TBX20: variants seen among roughly 807,000 people sequenced by gnomAD.
The protein encoded by TBX20 is T-box transcription factor TBX20.
A neutral mutation model predicts 42.9 loss-of-function variants in TBX20; 8 were observed. The ratio of observed to expected loss-of-function variants is 0.19; its 90% confidence interval spans 0.11 to 0.34. The LOEUF (loss-of-function observed/expected upper bound fraction) is 0.34, where lower values mean the gene tolerates loss of function less well. TBX20 is among the 10% of genes least tolerant of loss of function. The pLI, the probability that TBX20 is intolerant of heterozygous loss-of-function variation, is 1.00. For missense variants in TBX20, 411 were observed against 566.0 expected (o/e 0.73, Z 2.78); for synonymous variants, 198 against 222.8 (o/e 0.89, Z 0.99).
intron 3 of TBX20, among the ~76,000 whole-genome samples, chr7:35,247,375 A>C (rs577536037): frequency 6.6e-6 from 1 of 152,088 alleles, no homozygotes; most frequent in Non-Finnish European, 1.5e-5. Flanking sequence ...ACTAAAAAAA[A>C]ACTAATAGCA....
intron 6 of TBX20, among the ~76,000 whole-genome samples, chr7:35,221,677 T>C (rs1022930549): frequency 6.6e-6 from 1 of 152,202 alleles, no homozygotes; most frequent in Non-Finnish European, 1.5e-5. Flanking sequence ...CAAGAACTCA[T>C]AAAGAAGATG....
chr7:35,250,839 T>C (rs1790291812), intron 1 of TBX20, among the ~76,000 whole-genome samples: 1 of 152,240 alleles, frequency 6.6e-6, no homozygotes, highest in African/African-American at 2.4e-5. Flanking sequence ...ATTTTTATAA[T>C]ATTCTTCCCA....
intron 6 of TBX20, among the ~76,000 whole-genome samples, chr7:35,217,354 A>G (rs1789608186): frequency 1.3e-5 from 2 of 152,224 alleles, no homozygotes; most frequent in Non-Finnish European, 2.9e-5. Context: ...TACTCAGCTT[A>G]GAAATAAACA....
intron 6 of TBX20, among the ~76,000 whole-genome samples, chr7:35,225,518 TG>T (rs1024918396): frequency 6.6e-6 from 1 of 152,232 alleles, no homozygotes; most frequent in African/African-American, 2.4e-5. Context: ...CAGCAGCTAT[TG>T]TATCAGACAG....
intron 6 of TBX20, among the ~76,000 whole-genome samples, chr7:35,216,935 T>A (rs1287586080): frequency 6.6e-6 from 1 of 152,152 alleles, no homozygotes; most frequent in Admixed American, 6.5e-5. Context: ...TGTCACAATA[T>A]TTTTCTAAAG....
At chr7:35,203,076 A>T (rs1473469927) in intron 7 of TBX20, among the ~76,000 whole-genome samples, 6 of 152,262 alleles carry the variant, frequency 3.9e-5, no homozygotes, top group Admixed American at 3.3e-4. Flanking sequence ...TGATTCTCTT[A>T]AAAAAAGCTG....
At chr7:35,239,619 G>T (rs1368153067) in intron 5 of TBX20, among the ~76,000 whole-genome samples, 1 of 152,172 alleles carries the variant, frequency 6.6e-6, no homozygotes, top group African/African-American at 2.4e-5. Flanking sequence ...TTAAGCTTAC[G>T]CTGGGCACAA....
chr7:35,249,683 C>A lies in TBX20; in HGVS notation c.380+268G>T, dbSNP rs1477039948. On this transcript the variant is annotated intron_variant, in intron 2 of 7. Coordinates refer to ENST00000408931, the MANE Select transcript of TBX20 (RefSeq NM_001077653.2). This position sits in a 1 kb window ranked among gnomAD's most constrained non-coding sequence, Gnocchi z 4.3. The stretch of plus-strand genomic sequence containing the variant: ...CCAGCTCCAGGGAAAGCAGACCACA[C>A]CCTTCGGGGTTAGTGTGTCTCCCTG... Among the ~76,000 whole-genome samples the A allele has an allele frequency of 6.6e-6, 1 of 152,198 alleles. No individual in the cohort carries two copies. The highest frequency in any genetic ancestry group is 1.5e-5 in the Non-Finnish European group (1 of 68,034).
intron 3 of TBX20, 122 bp downstream of exon 3, chr7:35,248,555 G>C: frequency 9.3e-7 from 1 of 1,079,804 alleles, no homozygotes. Context: ...GTCCAGGCTT[G>C]GAATGCTCTC....
intron 5 of TBX20, among the ~76,000 whole-genome samples, chr7:35,239,049 T>C (rs1236261126): frequency 6.6e-6 from 1 of 152,104 alleles, no homozygotes; most frequent in Non-Finnish European, 1.5e-5. Context: ...TCCCCTAAAA[T>C]GGTCTGGTCA....
chr7:35,231,045 T>C (rs748318158), intron 6 of TBX20, among the ~76,000 whole-genome samples: 2 of 152,198 alleles, frequency 1.3e-5, no homozygotes, highest in Non-Finnish European at 2.9e-5. Flanking sequence ...AGCAGTCTAC[T>C]ACATTGGTAA....
At chr7:35,210,641 T>C (rs1789482065) in intron 6 of TBX20, among the ~76,000 whole-genome samples, 2 of 152,308 alleles carry the variant, frequency 1.3e-5, no homozygotes, top group Non-Finnish European at 1.5e-5. Flanking sequence ...AGCTCTTTAT[T>C]AGTATGAAAT....
chr7:35,228,149 T>C (rs777022079), intron 6 of TBX20, among the ~76,000 whole-genome samples: 7 of 151,968 alleles, frequency 4.6e-5, no homozygotes, highest in Non-Finnish European at 8.8e-5. Flanking sequence ...ATTTATCTTA[T>C]GGTAATAATT....
chr7:35,240,276 G>A (rs758819261), intron 5 of TBX20, among the ~76,000 whole-genome samples: 9 of 152,070 alleles, frequency 5.9e-5, no homozygotes, highest in Admixed American at 4.6e-4. Flanking sequence ...GTTCAAAAAC[G>A]TTTCAGATTT....
chr7:35,245,119 T>C (rs953661627), intron 3 of TBX20, 62 bp from the exon 4 acceptor site: 18 of 1,207,474 alleles, frequency 1.5e-5, no homozygotes, highest in Non-Finnish European at 2.2e-5. Context: ...CTGTAGGTTA[T>C]AAAATGTTCT....
In TBX20 at chr7:35,253,726, A is replaced by G. The variant is rs553268186; in HGVS notation, c.-106T>C. On this transcript the variant is annotated 5_prime_UTR_variant, in exon 1 of 8. Transcript: ENST00000408931. ...AACACAGCTCAAAGTTTCCGAGAGC[A>G]GTCACAGCGGGGCCAGGGACTCCAG... 5.5e-5 allele frequency: 81 copies of G among 1,470,472 alleles called. No homozygotes were observed. In the South Asian group the frequency reaches 1.0e-3, roughly 18 times the overall value. 91.1% of individuals were successfully genotyped at this position (1,470,472 alleles called of 1,614,324 possible).
At chr7:35,239,773 G>C (rs1790039055) in intron 5 of TBX20, among the ~76,000 whole-genome samples, 1 of 151,566 alleles carries the variant, frequency 6.6e-6, no homozygotes, top group Non-Finnish European at 1.5e-5. Context: ...TTTTTTTGAG[G>C]TGGGGTCTCG....
chr7:35,238,015 T>A (rs1173438090), intron 5 of TBX20, among the ~76,000 whole-genome samples: 1 of 152,096 alleles, frequency 6.6e-6, no homozygotes, highest in Non-Finnish European at 1.5e-5. Flanking sequence ...CCCTCTTGAA[T>A]CTTAACCACC....
intron 6 of TBX20, among the ~76,000 whole-genome samples, chr7:35,229,232 C>T (rs1453273564): frequency 6.6e-6 from 1 of 152,114 alleles, no homozygotes; most frequent in African/African-American, 2.4e-5. Flanking sequence ...GTTTTTCTCT[C>T]AGATCTCTTA....
Sources: allele counts gnomAD v4.1 joint callset (sites outside exome capture counted in the v4.1 genomes callset), GRCh38; gene constraint gnomAD v4.1.1; non-coding constraint Gnocchi (gnomAD v3.1); transcripts MANE v1.5; gene names NCBI Gene and HGNC (gene_info 2026-07-23, HGNC 2026-07-21).